TP53BP2: variants seen among roughly 807,000 people sequenced by gnomAD.
TP53BP2 encodes apoptosis-stimulating of p53 protein 2.
Under a neutral mutation model 126.2 loss-of-function variants are expected in TP53BP2, and 62 were observed. The ratio of observed to expected loss-of-function variants is 0.49; its 90% CI spans 0.40 to 0.61. The LOEUF is 0.61. Ranked by LOEUF, TP53BP2 falls within the 20% of genes least tolerant of loss-of-function variation. The pLI, the probability that TP53BP2 is intolerant of heterozygous loss-of-function variation, is 0.00. For missense variants in TP53BP2, 1,215 were observed against 1,402.8 expected (o/e 0.87, Z 2.14); for synonymous variants, 485 against 502.9 (o/e 0.96, Z 0.48).
intron 15 of TP53BP2, among the ~76,000 whole-genome samples, chr1:223,789,564 G>A (rs1662082472): frequency 6.6e-6 from 1 of 152,198 alleles, no homozygotes; most frequent in South Asian, 2.1e-4. Flanking sequence ...AGTTATTTAA[G>A]TTATACACCT....
intron 10 of TP53BP2, 88 bp downstream of exon 10, chr1:223,800,612 A>T (rs1662496295): frequency 1.0e-6 from 1 of 977,182 alleles, no homozygotes; most frequent in South Asian, 1.7e-5. Context: ...GGAAGAAAGA[A>T]AAGAGAAAAT....
chr1:223,794,499 A>G (rs1481491049), intron 13 of TP53BP2, among the ~76,000 whole-genome samples: 1 of 152,232 alleles, frequency 6.6e-6, no homozygotes. Flanking sequence ...CGAGAAGGAA[A>G]AGGTAAGACA....
chr1:223,787,720 A>G (rs1662017894), intron 16 of TP53BP2, among the ~76,000 whole-genome samples: 1 of 152,122 alleles, frequency 6.6e-6, no homozygotes, highest in Non-Finnish European at 1.5e-5. Flanking sequence ...TCTACTAAAA[A>G]TACAAAAACT....
intron 1 of TP53BP2, among the ~76,000 whole-genome samples, chr1:223,833,670 C>T (rs1663820298): frequency 6.6e-6 from 1 of 152,162 alleles, no homozygotes; most frequent in Non-Finnish European, 1.5e-5. Context: ...GAGTCATATC[C>T]TATCAAAGCC....
At chr1:223,830,001 A>C (rs1169787904) in intron 1 of TP53BP2, among the ~76,000 whole-genome samples, 1 of 152,160 alleles carries the variant, frequency 6.6e-6, no homozygotes, top group Non-Finnish European at 1.5e-5. Context: ...TAAACAATAA[A>C]CTCTAAAGCA....
intron 8 of TP53BP2, 27 bp from the exon 9 acceptor site, chr1:223,802,371 G>A: frequency 6.3e-7 from 1 of 1,590,928 alleles, no homozygotes; most frequent in Non-Finnish European, 8.6e-7. Context: ...AGGTCCTTTA[G>A]TATTAAAAAT....
At chr1:223,797,210 T>C (rs1458323578) in intron 12 of TP53BP2, among the ~76,000 whole-genome samples, 1 of 152,204 alleles carries the variant, frequency 6.6e-6, no homozygotes, top group African/African-American at 2.4e-5. Context: ...TACATGGTTA[T>C]TTCATGACTA....
At chr1:223,842,557 A>G (rs544963331) in intron 1 of TP53BP2, among the ~76,000 whole-genome samples, 1 of 152,362 alleles carries the variant, frequency 6.6e-6, no homozygotes, top group East Asian at 1.9e-4. Flanking sequence ...AATACTGTGT[A>G]GTTTTGTAAA....
intron 1 of TP53BP2, among the ~76,000 whole-genome samples, chr1:223,830,421 G>A (rs1348117320): frequency 2.6e-5 from 4 of 151,968 alleles, no homozygotes. Context: ...TTTACTCAAA[G>A]ATACGATGGT....
Position 223,807,381 on chromosome 1 carries a change from A to C in TP53BP2, c.373-434T>G, listed in dbSNP as rs75715243. On this transcript the variant is annotated intron_variant, in intron 4 of 17. Transcript: ENST00000343537. ...TTTAGCACTAAAAAATTCAAGACAC[A>C]TTGAGTCATCAGAAACAAAGCAAGG... is the stretch of plus-strand genomic sequence containing the variant. Among the ~76,000 whole-genome samples, 279 of 152,318 alleles carry C rather than the reference A, an allele frequency of 1.8e-3. 1 individual carries two copies. The highest frequency in any genetic ancestry group is 6.4e-3 in the African/African-American group (267 of 41,568).
chr1:223,830,765 A>G (rs1175994664), intron 1 of TP53BP2, among the ~76,000 whole-genome samples: 1 of 152,212 alleles, frequency 6.6e-6, no homozygotes, highest in Non-Finnish European at 1.5e-5. Context: ...AGAAAAAGTT[A>G]TAAAACAGAA....
chr1:223,802,308 A>C lies in TP53BP2; in HGVS notation c.1033T>G (p.Ser345Ala). ...ACTGCAGCCACACGGCTTGGGGCTG[A>C]CGCGGCTTGCTGGGGAAGATTTCCA... ...SDGNLPQQAA[S>A]APSRVAAVGP... is the part of the protein sequence containing the mutation. The change falls in exon 9 of 18, where the codon TCA (serine) becomes GCA (alanine). Residue 345 changes from serine (S) to alanine (A), a missense_variant. Transcript: ENST00000343537. 6.2e-7 allele frequency: 1 copy of C among 1,614,224 alleles called. No homozygotes were observed.
chr1:223,831,476 A>ATAT (rs1553263434), intron 1 of TP53BP2, among the ~76,000 whole-genome samples: 18 of 50,184 alleles, frequency 3.6e-4, no homozygotes, highest in Admixed American at 4.5e-4. Flanking sequence ...TAAAAAAAAA[A>ATAT]AAAAATATAT....
chr1:223,842,614 T>G (rs188616694), intron 1 of TP53BP2, among the ~76,000 whole-genome samples: 16 of 152,378 alleles, frequency 1.1e-4, no homozygotes, highest in Admixed American at 1.0e-3. Flanking sequence ...AAACAAAAAT[T>G]TTTATGAAAC....
In TP53BP2 at chr1:223,780,152, T is replaced by G. The variant is rs1369804156; in HGVS notation, c.*701A>C. On this transcript the variant is annotated 3_prime_UTR_variant, in exon 18 of 18. Coordinates refer to ENST00000343537, the MANE Select transcript of TP53BP2 (RefSeq NM_001031685.3). ...CTATGATCTTGACAAATATTACGGG[T>G]AAGTCTGTAGCAAGTTTCTAATTTC... 1 of 152,228 alleles carries G rather than the reference T, an allele frequency of 6.6e-6. No homozygotes were observed. The highest frequency in any genetic ancestry group is 1.5e-5 in the Non-Finnish European group (1 of 68,042). The allele number at this position is 152,228 out of a possible 1,614,324, so 9.4% of individuals were successfully genotyped here. A position where few individuals can be genotyped will look rare whatever the true frequency, so the allele number is the denominator to read the frequency against.
At chr1:223,830,199 TATGG>T (rs1663648522) in intron 1 of TP53BP2, among the ~76,000 whole-genome samples, 1 of 152,174 alleles carries the variant, frequency 6.6e-6, no homozygotes. Flanking sequence ...TTTTAGAATA[TATGG>T]ATAAGCAGTT....
Position 223,798,383 on chromosome 1 carries a change from G to A in TP53BP2, c.1780C>T (p.Gln594Ter). 6.2e-7 allele frequency: 1 copy of A among 1,614,168 alleles called. No individual in the cohort carries two copies. Among genetic ancestry groups the A allele is most frequent in the Non-Finnish European group, 8.5e-7 (1 of 1,180,032 alleles). The change falls in exon 12 of 18, where the codon CAG becomes TAG. Residue 594 changes from glutamine to a stop codon, truncating the protein, a stop_gained. Coordinates refer to ENST00000343537, the MANE Select transcript of TP53BP2 (RefSeq NM_001031685.3). LOFTEE classifies it high-confidence loss of function. ...GGAAGTAAGGTGTCTTTGGAAGGCT[G>A]GGGAGTAAAGGGCCGGACGGCAGCA... ...PAAAVRPFTP[Q>*]PSKDTLLPPF...
Position 223,799,959 on chromosome 1 carries a change from T to C in TP53BP2, c.1425A>G (p.Pro475=). 3 of 1,613,258 alleles carry C rather than the reference T, an allele frequency of 1.9e-6. No homozygotes were observed. Among genetic ancestry groups the C allele is most frequent in the Non-Finnish European group, 2.5e-6 (3 of 1,179,750 alleles). Reference sequence around the variant, plus strand: ...TCTTCCTCAGAGTACCAAAGGAAGGTGGGGCATTGGACTGGTCTACTGCAT... The same window carrying C: ...TCTTCCTCAGAGTACCAAAGGAAGGCGGGGCATTGGACTGGTCTACTGCAT... ...MFDAVDQSNA[P]PSFGTLRKNQ... Residue 475 remains proline (P), a synonymous_variant, in exon 11 of 18, where the codon CCA becomes CCG. Coordinates refer to ENST00000343537, the MANE Select transcript of TP53BP2 (RefSeq NM_001031685.3).
Position 223,793,403 on chromosome 1 carries a change from C to T in TP53BP2, c.2762G>A (p.Arg921His), listed in dbSNP as rs780398655. The T allele has an allele frequency of 1.1e-5, 17 of 1,600,110 alleles. No homozygotes were observed. The Middle Eastern group carries it at 5.0e-4, about 47-fold the overall frequency. The change falls in exon 14 of 18, where the codon CGT (arginine) becomes CAT (histidine). Residue 921 changes from arginine (R) to histidine (H), a missense_variant. Arg to His is a conservative substitution (Grantham distance 29). Coordinates refer to ENST00000343537, the MANE Select transcript of TP53BP2 (RefSeq NM_001031685.3). Reference sequence around the variant, plus strand: ...TTTCACCCTCATTCCATGAGCGATACGCTCTGAGCCAGTTTTACGCAAGTT... The same window carrying T: ...TTTCACCCTCATTCCATGAGCGATATGCTCTGAGCCAGTTTTACGCAAGTT... Reference protein sequence around the residue: ...RTNLRKTGSERIAHGMRVKFN... With the variant: ...RTNLRKTGSEHIAHGMRVKFN...
Sources: allele counts gnomAD v4.1 joint callset (sites outside exome capture counted in the v4.1 genomes callset), GRCh38; gene constraint gnomAD v4.1.1; transcripts MANE v1.5; gene names NCBI Gene and HGNC (gene_info 2026-07-23, HGNC 2026-07-21).